Variants in ADAM2 observed in about 807,000 individuals in gnomAD.
The protein encoded by ADAM2 is disintegrin and metalloproteinase domain-containing protein 2.
ADAM2 carries 101 observed loss-of-function variants against 99.3 expected under a neutral mutation model. That is an observed-to-expected ratio of 1.02 (90% CI 0.87 to 1.20). The LOEUF (loss-of-function observed/expected upper bound fraction) is 1.20, where lower values mean the gene tolerates loss of function less well. Among genes scored for constraint, ADAM2 ranks in the 50% most tolerant of loss-of-function variants. ADAM2 has a pLI of 0.00. For missense variants in ADAM2, 948 were observed against 878.7 expected (o/e 1.08, Z -1.00); for synonymous variants, 323 against 287.6 (o/e 1.12, Z -1.25).
chr8:39,794,767 G>A (rs955940322), intron 7 of ADAM2, among the ~76,000 whole-genome samples: 2 of 151,982 alleles, frequency 1.3e-5, no homozygotes, highest in Admixed American at 1.3e-4. Flanking sequence ...CCTTAAAAGG[G>A]ACAGGAATTG....
chr8:39,794,421 G>C (rs1248233687), intron 7 of ADAM2, among the ~76,000 whole-genome samples: 1 of 152,052 alleles, frequency 6.6e-6, no homozygotes, highest in East Asian at 1.9e-4. Context: ...ATAGCATGCT[G>C]GTTTATTTAA....
intron 10 of ADAM2, among the ~76,000 whole-genome samples, chr8:39,781,998 G>A (rs1037750543): frequency 9.9e-5 from 15 of 152,106 alleles, no homozygotes; most frequent in African/African-American, 3.6e-4. Context: ...TTGTTATGAA[G>A]CAATTACCTA....
Position 39,749,662 on chromosome 8 carries a change from C to G in ADAM2, c.1875+5G>C. ...CTATTTTCACCTCATAGTACTGCTA[C>G]TTACACCTCTATCATTGCATTTGTC... is the stretch of plus-strand genomic sequence containing the variant. On this transcript the variant is annotated splice_donor_5th_base_variant and intron_variant, in intron 17 of 20. Coordinates refer to ENST00000265708, the MANE Select transcript of ADAM2 (RefSeq NM_001464.5). 3 of 1,608,100 alleles carry G rather than the reference C, an allele frequency of 1.9e-6. No individual in the cohort carries two copies. The highest frequency in any genetic ancestry group is 2.6e-6 in the Non-Finnish European group (3 of 1,175,940).
chr8:39,816,745 G>T (rs1804957833), intron 6 of ADAM2, among the ~76,000 whole-genome samples: 1 of 152,210 alleles, frequency 6.6e-6, no homozygotes, highest in Admixed American at 6.6e-5. Context: ...TATGACAATA[G>T]ATTTGTAGTT....
At chr8:39,758,595 G>A (rs1485905204) in intron 15 of ADAM2, among the ~76,000 whole-genome samples, 1 of 151,356 alleles carries the variant, frequency 6.6e-6, no homozygotes, top group Non-Finnish European at 1.5e-5. Context: ...AGAAATAGTA[G>A]ACATGCACAC....
At chr8:39,768,886 A>G (rs1194730405) in intron 12 of ADAM2, among the ~76,000 whole-genome samples, 1 of 152,208 alleles carries the variant, frequency 6.6e-6, no homozygotes, top group African/African-American at 2.4e-5. Flanking sequence ...AATACGTTCT[A>G]GAGATCAAAC....
chr8:39,769,297 G>A, intron 12 of ADAM2, 95 bp downstream of exon 12: 12 of 937,534 alleles, frequency 1.3e-5, no homozygotes, highest in Non-Finnish European at 1.9e-5. Flanking sequence ...AGAAAATTTA[G>A]CTTGATGAAT....
chr8:39,766,653 C>T (rs1212826571), intron 14 of ADAM2, among the ~76,000 whole-genome samples, 195 bp downstream of exon 14: 2 of 152,070 alleles, frequency 1.3e-5, no homozygotes, highest in African/African-American at 4.8e-5. Flanking sequence ...GGTGATCTGC[C>T]CGCCTCGGCC....
intron 16 of ADAM2, among the ~76,000 whole-genome samples, chr8:39,755,520 C>G (rs1802113404): frequency 6.6e-6 from 1 of 152,052 alleles, no homozygotes. Context: ...ACTAAAAATA[C>G]AAAAATTAGC....
chr8:39,754,813 A>G (rs10105827), intron 16 of ADAM2, among the ~76,000 whole-genome samples: 76,059 of 151,496 alleles, frequency 0.5, 19,481 homozygotes, highest in South Asian at 0.67. Context: ...ACGTGTTTGT[A>G]TGTATTTCAT....
chr8:39,834,405 A>T (rs1361419895), intron 2 of ADAM2, among the ~76,000 whole-genome samples: 1 of 152,054 alleles, frequency 6.6e-6, no homozygotes, highest in Admixed American at 6.5e-5. Flanking sequence ...CTTGATAGTT[A>T]GTACTATCAG....
intron 10 of ADAM2, 56 bp downstream of exon 10, chr8:39,786,918 T>A (rs1586098757): frequency 3.2e-6 from 4 of 1,252,624 alleles, no homozygotes; most frequent in Non-Finnish European, 4.4e-6. Context: ...AATATGAAAA[T>A]GTGTAACTGT....
chr8:39,783,821 G>A (rs968153596), intron 10 of ADAM2, among the ~76,000 whole-genome samples: 7 of 151,788 alleles, frequency 4.6e-5, no homozygotes, highest in South Asian at 2.1e-4. Context: ...GCATGGTGCC[G>A]GGCACCTGTA....
chr8:39,799,382 A>G (rs979745656), intron 7 of ADAM2, among the ~76,000 whole-genome samples: 1 of 152,156 alleles, frequency 6.6e-6, no homozygotes, highest in African/African-American at 2.4e-5. Flanking sequence ...TTCTAATTTG[A>G]TGGCACTGTG....
chr8:39,837,067 A>G, intron 2 of ADAM2, 69 bp downstream of exon 2: 2 of 1,254,420 alleles, frequency 1.6e-6, no homozygotes, highest in Admixed American at 4.2e-5. Flanking sequence ...GAAAAATGGC[A>G]GATTAACTTC....
chr8:39,805,139 C>A (rs749951731), intron 7 of ADAM2, among the ~76,000 whole-genome samples: 5 of 152,112 alleles, frequency 3.3e-5, no homozygotes, highest in Non-Finnish European at 5.9e-5. Flanking sequence ...CCTTTTTAGA[C>A]CTGTTTTACA....
Position 39,827,222 on chromosome 8 carries a change from G to A in ADAM2, c.189-2325C>T, listed in dbSNP as rs557058164. Among the ~76,000 whole-genome samples the A allele has an allele frequency of 5.3e-5, 8 of 152,232 alleles. No individual in the cohort carries two copies. In the South Asian group the frequency reaches 1.7e-3, roughly 32 times the overall value. ...CTGTTTGATTGGCTATTATCAAAAA[G>A]ACAGAGGAGAACAAGTGTTGGCAAG... On this transcript the variant is annotated intron_variant, in intron 3 of 20. Coordinates refer to ENST00000265708, the MANE Select transcript of ADAM2 (RefSeq NM_001464.5).
intron 2 of ADAM2, among the ~76,000 whole-genome samples, chr8:39,835,720 T>G (rs1805795941): frequency 1.3e-5 from 2 of 151,926 alleles, no homozygotes; most frequent in Non-Finnish European, 2.9e-5. Context: ...GGTTGAATAA[T>G]CTTATGGTTT....
chr8:39,786,089 A>C (rs1239975341), intron 10 of ADAM2, among the ~76,000 whole-genome samples: 1 of 152,202 alleles, frequency 6.6e-6, no homozygotes, highest in South Asian at 2.1e-4. Context: ...TCTCACTTAT[A>C]AGTGGGAGCT....
Sources: allele counts gnomAD v4.1 joint callset (sites outside exome capture counted in the v4.1 genomes callset), GRCh38; gene constraint gnomAD v4.1.1; transcripts MANE v1.5; gene names NCBI Gene and HGNC (gene_info 2026-07-23, HGNC 2026-07-21).